The following SMARCAD1 variants were observed in gnomAD, a reference collection of about 807,000 sequenced individuals.
The protein encoded by SMARCAD1 is SWI/SNF-related matrix-associated actin-dependent regulator of chromatin subfamily A containing DEAD/H box 1.
A neutral mutation model predicts 127.1 loss-of-function variants in SMARCAD1; 25 were observed. That is an observed-to-expected ratio of 0.20 (90% confidence interval 0.14 to 0.27). SMARCAD1 has a LOEUF of 0.27. SMARCAD1 is among the 10% of genes least tolerant of loss of function. The pLI is 1.00. For missense variants in SMARCAD1, 807 were observed against 1,206.0 expected, an observed-to-expected ratio of 0.67 and a Z score of 4.90; for synonymous variants, 400 against 396.9, an observed-to-expected ratio of 1.01 and a Z score of -0.09.
intron 6 of SMARCAD1, chr4:94,248,391 G>C: frequency 2.3e-6 from 1 of 426,656 alleles, no homozygotes; most frequent in Non-Finnish European, 4.7e-6. Flanking sequence ...TGAAAAAGCA[G>C]TGGTCTAGAG....
intron 11 of SMARCAD1, 28 bp downstream of exon 11, chr4:94,270,846 T>C: frequency 6.3e-7 from 1 of 1,593,090 alleles, no homozygotes; most frequent in Non-Finnish European, 8.6e-7. Flanking sequence ...CTAAGATTTG[T>C]TGTTGAAAGT....
At chr4:94,219,417 A>G (rs769744643) in intron 2 of SMARCAD1, among the ~76,000 whole-genome samples, 1 of 152,070 alleles carries the variant, frequency 6.6e-6, no homozygotes, top group East Asian at 1.9e-4. Context: ...ATCTCCTACT[A>G]GTGATTTTTT....
chr4:94,275,870 T>C (rs990079360), intron 14 of SMARCAD1, among the ~76,000 whole-genome samples: 52 of 149,808 alleles, frequency 3.5e-4, no homozygotes, highest in Non-Finnish European at 6.6e-4. Context: ...GATCTCAGCT[T>C]ACTGCAACCT....
chr4:94,248,658 C>A, intron 6 of SMARCAD1: 1 of 389,822 alleles, frequency 2.6e-6, no homozygotes, highest in South Asian at 1.9e-5. Flanking sequence ...ATCCTTGTAA[C>A]CTATTAACAT....
chr4:94,286,877 C>G (rs1340632393), intron 23 of SMARCAD1, among the ~76,000 whole-genome samples: 6 of 152,194 alleles, frequency 3.9e-5, no homozygotes, highest in Admixed American at 3.9e-4. Context: ...CCTCTCCTTA[C>G]CACTTTTTTC....
chr4:94,274,651 T>C, intron 12 of SMARCAD1, 87 bp from the exon 13 acceptor site: 2 of 1,227,006 alleles, frequency 1.6e-6, no homozygotes, highest in South Asian at 2.4e-5. Context: ...GATTTCTGAG[T>C]AGCACTTGTC....
At chr4:94,280,886 ATTCT>A in intron 20 of SMARCAD1, 106 bp downstream of exon 20, 1 of 1,062,026 alleles carries the variant, frequency 9.4e-7, no homozygotes, top group Non-Finnish European at 1.4e-6. Context: ...TCTGTTCTGC[ATTCT>A]TCCAGAACTT....
chr4:94,271,388 T>C (rs976990694), intron 11 of SMARCAD1, among the ~76,000 whole-genome samples: 7 of 152,198 alleles, frequency 4.6e-5, no homozygotes, highest in Non-Finnish European at 1.0e-4. Context: ...TAGCCAGTAG[T>C]CCAGGTGTTG....
At chr4:94,243,825 T>C (rs1000487316) in intron 6 of SMARCAD1, among the ~76,000 whole-genome samples, 1 of 152,186 alleles carries the variant, frequency 6.6e-6, no homozygotes, top group African/African-American at 2.4e-5. Flanking sequence ...TGTGATCTTT[T>C]CTATTTGAAA....
intron 2 of SMARCAD1, among the ~76,000 whole-genome samples, chr4:94,224,106 G>A (rs1744629672): frequency 6.6e-6 from 1 of 152,124 alleles, no homozygotes; most frequent in Non-Finnish European, 1.5e-5. Context: ...TGTGTATGAT[G>A]ATAATATGTA....
rs577001375 is a variant in SMARCAD1 at position 94,275,971 on chromosome 4, A to G, written c.1809-368A>G. Among the ~76,000 whole-genome samples the G allele has an allele frequency of 6.6e-5, 10 of 151,320 alleles. No homozygotes were observed. The South Asian group carries it at 2.1e-3, about 32-fold the overall frequency. Reference sequence around the variant, plus strand: ...CACCACCACACCCGGCTAATTTTTTATATTTTTAGTAGAGACAGGGTTTCA... The same window carrying G: ...CACCACCACACCCGGCTAATTTTTTGTATTTTTAGTAGAGACAGGGTTTCA... On this transcript the variant is annotated intron_variant, in intron 14 of 23. Coordinates refer to ENST00000354268, the MANE Select transcript of SMARCAD1 (RefSeq NM_020159.5).
At chr4:94,235,152 T>C (rs1746433903) in intron 4 of SMARCAD1, among the ~76,000 whole-genome samples, 1 of 148,222 alleles carries the variant, frequency 6.7e-6, no homozygotes, top group Non-Finnish European at 1.5e-5. Flanking sequence ...TGCAACTGAC[T>C]CCCAAAAGAA....
chr4:94,231,374 G>A (rs1159887687), intron 3 of SMARCAD1, among the ~76,000 whole-genome samples: 1 of 152,182 alleles, frequency 6.6e-6, no homozygotes, highest in Admixed American at 6.5e-5. Context: ...AGTGAGAGGG[G>A]ACTTTGTCTT....
At chr4:94,242,207 G>GTT (rs113120915) in intron 6 of SMARCAD1, among the ~76,000 whole-genome samples, 43 of 146,926 alleles carry the variant, frequency 2.9e-4, no homozygotes, top group Admixed American at 6.1e-4. Context: ...CTGTTTTTTT[G>GTT]TTTTTTTTTT....
intron 3 of SMARCAD1, among the ~76,000 whole-genome samples, chr4:94,228,610 C>G (rs183495491): frequency 6.6e-6 from 1 of 151,854 alleles, no homozygotes; most frequent in Non-Finnish European, 1.5e-5. Context: ...GGTACTGATT[C>G]CTTCACCAAG....
At chr4:94,232,356 T>C (rs1028564028) in intron 3 of SMARCAD1, among the ~76,000 whole-genome samples, 4 of 152,194 alleles carry the variant, frequency 2.6e-5, no homozygotes, top group Non-Finnish European at 5.9e-5. Flanking sequence ...GTAAATATCT[T>C]TGAAAGTGGT....
intron 10 of SMARCAD1, 153 bp from the exon 11 acceptor site, chr4:94,270,575 G>A: frequency 1.6e-6 from 1 of 616,756 alleles, no homozygotes; most frequent in South Asian, 1.8e-5. Context: ...TTTATGTCTT[G>A]GGTTCATTTT....
chr4:94,276,658 C>T (rs1753346342), intron 15 of SMARCAD1, among the ~76,000 whole-genome samples, 184 bp downstream of exon 15: 1 of 152,064 alleles, frequency 6.6e-6, no homozygotes, highest in Non-Finnish European at 1.5e-5. Flanking sequence ...ACTAGATGGC[C>T]TCTGTCACGT....
chr4:94,235,108 C>T (rs1429689866), intron 4 of SMARCAD1, among the ~76,000 whole-genome samples: 1 of 151,562 alleles, frequency 6.6e-6, no homozygotes, highest in East Asian at 2.0e-4. Flanking sequence ...TTAAAATATA[C>T]AATTTTGTGG....
Sources: gnomAD v4.1 joint callset for allele counts (sites outside exome capture counted in the v4.1 genomes callset) on GRCh38, gnomAD v4.1.1 for gene constraint, MANE v1.5 for transcripts, NCBI Gene and HGNC (gene_info 2026-07-23, HGNC 2026-07-21) for gene names.